BLTP1: variants seen among roughly 807,000 people sequenced by gnomAD.
BLTP1 encodes bridge-like lipid transfer protein family member 1.
the BLTP1 span, chr4:122,179,778 ACT>A: frequency 1.1e-6 from 1 of 901,396 alleles, no homozygotes; most frequent in Non-Finnish European, 1.3e-6. Flanking sequence ...ATGCACACAC[ACT>A]CACACAGCCA....
chr4:122,219,303 C>G, the BLTP1 span: 2 of 1,602,528 alleles, frequency 1.2e-6, no homozygotes, highest in Admixed American at 1.7e-5. Flanking sequence ...TTACATACCT[C>G]TTTTGACAGC....
At chr4:122,215,316 A>G in the BLTP1 span, 2 of 937,500 alleles carry the variant, frequency 2.1e-6, no homozygotes, top group Non-Finnish European at 2.5e-6. Context: ...AGGAATCTAA[A>G]TTTTTTTAAG....
At chr4:122,192,675 C>T in the BLTP1 span, among the ~76,000 whole-genome samples, 1 of 151,788 alleles carries the variant, frequency 6.6e-6, no homozygotes, top group Non-Finnish European at 1.5e-5. Flanking sequence ...ATTTAATCAA[C>T]AACGATTTCT....
chr4:122,308,468 T>C, the BLTP1 span, among the ~76,000 whole-genome samples: 1 of 152,110 alleles, frequency 6.6e-6, no homozygotes, highest in Non-Finnish European at 1.5e-5. Context: ...TATTGTTTTC[T>C]TTTTTAACAA....
the BLTP1 span, chr4:122,188,111 A>C: frequency 7.0e-7 from 1 of 1,433,040 alleles, no homozygotes; most frequent in Non-Finnish European, 9.2e-7. Flanking sequence ...TATAAAAATA[A>C]TAAAAAACTT....
the BLTP1 span, chr4:122,259,993 T>A: frequency 1.4e-6 from 1 of 736,408 alleles, no homozygotes; most frequent in African/African-American, 1.9e-5. Context: ...TAGTCATGCA[T>A]CACTTAATGA....
At chr4:122,221,342 T>G in the BLTP1 span, among the ~76,000 whole-genome samples, 1 of 152,326 alleles carries the variant, frequency 6.6e-6, no homozygotes, top group Non-Finnish European at 1.5e-5. Context: ...TAGCTAAAAC[T>G]TAATATGTGC....
At chr4:122,340,847 A>G in the BLTP1 span, 4 of 939,502 alleles carry the variant, frequency 4.3e-6, no homozygotes, top group Non-Finnish European at 5.1e-6. Flanking sequence ...AAAAGTACTA[A>G]AGGTGAAATG....
the BLTP1 span, chr4:122,262,806 A>G: frequency 6.2e-7 from 1 of 1,613,084 alleles, no homozygotes; most frequent in South Asian, 1.1e-5. Flanking sequence ...CAGTGGAGAC[A>G]CTGCCACTGA....
the BLTP1 span, chr4:122,281,792 A>G: frequency 6.7e-7 from 1 of 1,491,152 alleles, no homozygotes; most frequent in Non-Finnish European, 8.9e-7. Context: ...TGAATTCTGA[A>G]TTCACTCTCT....
At chr4:122,232,540 G>A in the BLTP1 span, among the ~76,000 whole-genome samples, 6 of 152,060 alleles carry the variant, frequency 3.9e-5, no homozygotes, top group Non-Finnish European at 8.8e-5. Context: ...CTGGGAGGCG[G>A]AGGTTGCAGT....
the BLTP1 span, among the ~76,000 whole-genome samples, chr4:122,158,064 A>G: frequency 2.0e-5 from 3 of 152,190 alleles, no homozygotes; most frequent in Non-Finnish European, 4.4e-5. Flanking sequence ...CATAGGAAAA[A>G]AGAAATAGTT....
At chr4:122,173,017 AT>A in the BLTP1 span, 3 of 1,611,924 alleles carry the variant, frequency 1.9e-6, no homozygotes, top group Non-Finnish European at 2.5e-6. Flanking sequence ...ATTATTTCTG[AT>A]TTTTTTCCTC....
the BLTP1 span, chr4:122,207,531 T>TC: frequency 6.5e-7 from 1 of 1,548,184 alleles, no homozygotes. Flanking sequence ...TTTTTTTTTT[T>TC]CTTTTGTAGT....
chr4:122,153,962 T>C, the BLTP1 span: 2 of 978,820 alleles, frequency 2.0e-6, no homozygotes, highest in Non-Finnish European at 2.4e-6. Flanking sequence ...TAATCAGAAA[T>C]GGTTATGCTG....
the BLTP1 span, among the ~76,000 whole-genome samples, chr4:122,173,812 G>C: frequency 6.6e-6 from 1 of 151,930 alleles, no homozygotes; most frequent in South Asian, 2.1e-4. Flanking sequence ...ACTTATAAAA[G>C]ATGCTCATTA....
the BLTP1 span, chr4:122,206,067 A>T: frequency 1.0e-6 from 1 of 980,636 alleles, no homozygotes. Context: ...GTAAACAGAC[A>T]AAATATATGA....
chr4:122,324,781 CTGTTT>C, the BLTP1 span, among the ~76,000 whole-genome samples: 1 of 151,920 alleles, frequency 6.6e-6, no homozygotes, highest in African/African-American at 2.4e-5. Flanking sequence ...AGACAAGTTT[CTGTTT>C]TATTTACATA....
At chr4:122,346,628 T>G in the BLTP1 span, 1 of 1,610,730 alleles carries the variant, frequency 6.2e-7, no homozygotes. Context: ...ATCAGCTGTT[T>G]GTGATATAGG....
Sources: allele counts gnomAD v4.1 joint callset (sites outside exome capture counted in the v4.1 genomes callset), GRCh38; gene constraint gnomAD v4.1.1; transcripts MANE v1.5; gene names NCBI Gene and HGNC (gene_info 2026-07-23, HGNC 2026-07-21).